The following USP37 variants were observed in gnomAD, a reference collection of about 807,000 sequenced individuals.
USP37 encodes ubiquitin carboxyl-terminal hydrolase 37.
USP37 carries 27 observed loss-of-function variants against 124.0 expected under a neutral mutation model. The observed-to-expected ratio is 0.22, with a 90% confidence interval of 0.16 to 0.30. USP37 has a LOEUF of 0.30. Among genes scored for constraint, USP37 ranks in the 10% least tolerant of loss-of-function variants. The pLI is 1.00. For missense variants in USP37, 889 were observed against 1,140.4 expected (o/e 0.78, Z 3.17); for synonymous variants, 365 against 388.0 (o/e 0.94, Z 0.70).
At chr2:218,546,495 C>T (rs1334950154) in intron 7 of USP37, among the ~76,000 whole-genome samples, 197 bp from the exon 8 acceptor site, 2 of 152,076 alleles carry the variant, frequency 1.3e-5, no homozygotes, top group Admixed American at 6.6e-5. Context: ...CTTGGCTCAC[C>T]GCAACCTCTG....
intron 14 of USP37, among the ~76,000 whole-genome samples, chr2:218,489,218 C>T (rs760046540): frequency 1.0e-4 from 15 of 148,238 alleles, no homozygotes; most frequent in East Asian, 2.1e-4. Context: ...ATTAGCCAGG[C>T]GAGGTGGCGC....
chr2:218,500,483 C>T (rs1056706493), intron 11 of USP37, among the ~76,000 whole-genome samples: 1 of 151,430 alleles, frequency 6.6e-6, no homozygotes, highest in African/African-American at 2.4e-5. Flanking sequence ...TCTTGAACTC[C>T]TGATCTGCCC....
intron 11 of USP37, among the ~76,000 whole-genome samples, chr2:218,505,871 T>C (rs145092322): frequency 5.6e-5 from 1 of 17,776 alleles, no homozygotes; most frequent in African/African-American, 3.4e-4. Context: ...TGTTTTGTTG[T>C]TTTTTTTTTG....
Position 218,457,081 on chromosome 2 carries a change from T to C in USP37, c.2713+11A>G. ...CATTTATAAAATGCTGAAATCATGA[T>C]GGCTATTCACCTGAAGAAGAAGTGC... On this transcript the variant is annotated intron_variant, in intron 24 of 25. Transcript: ENST00000258399. The C allele has an allele frequency of 6.2e-7, 1 of 1,613,130 alleles. No homozygotes were observed. The highest frequency in any genetic ancestry group is 8.5e-7 in the Non-Finnish European group (1 of 1,179,450).
intron 8 of USP37, among the ~76,000 whole-genome samples, chr2:218,540,714 T>C (rs1009575242): frequency 1.3e-5 from 2 of 152,214 alleles, no homozygotes; most frequent in South Asian, 2.1e-4. Flanking sequence ...AGGTTGACCA[T>C]AGGTAATTGA....
Position 218,495,894 on chromosome 2 carries a change from T to C in USP37, c.1338A>G (p.Lys446=). ...CLDQLKEDME[K]LNKTWKTEPV... ...GTTCAGTCTTCCAAGTTTTATTTAATTTTTCCATATCTTCTTTCAGCTGGT... is the reference window on the plus strand; with the variant it reads ...GTTCAGTCTTCCAAGTTTTATTTAACTTTTCCATATCTTCTTTCAGCTGGT... Residue 446 remains lysine (K), a synonymous_variant, in exon 14 of 26, where the codon AAA becomes AAG. Transcript: ENST00000258399. 1.2e-6 allele frequency: 2 copies of C among 1,613,684 alleles called. No individual in the cohort carries two copies. The highest frequency in any genetic ancestry group is 1.7e-6 in the Non-Finnish European group (2 of 1,179,974).
intron 11 of USP37, among the ~76,000 whole-genome samples, chr2:218,500,336 A>G (rs1328441590): frequency 1.3e-5 from 2 of 152,002 alleles, no homozygotes; most frequent in East Asian, 3.9e-4. Context: ...CTCGGCTTAC[A>G]GCAACTTCCA....
intron 10 of USP37, among the ~76,000 whole-genome samples, chr2:218,517,641 G>A (rs888208562): frequency 6.6e-6 from 1 of 152,100 alleles, no homozygotes; most frequent in African/African-American, 2.4e-5. Flanking sequence ...GGTTGCTTTT[G>A]AGACTTTGTC....
Position 218,528,803 on chromosome 2 carries a change from G to GAAAAAAAA in USP37, c.863+1145_863+1152dup, listed in dbSNP as rs58650311. On this transcript the variant is annotated intron_variant, in intron 10 of 25. Coordinates refer to ENST00000258399, the MANE Select transcript of USP37 (RefSeq NM_020935.3). ...TTATGTATTTATACCCAATAAATCT[G>GAAAAAAAA]AAAAAAAAAAAAAAAAAAAAAAAAA... 36 of 29,726 alleles carry GAAAAAAAA rather than the reference G, an allele frequency of 1.2e-3. 14 individuals carry two copies. The highest frequency in any genetic ancestry group is 3.7e-3 in the Admixed American group (4 of 1,094). The allele number at this position is 29,726 out of a possible 1,614,324, so 1.8% of individuals were successfully genotyped here.
intron 8 of USP37, among the ~76,000 whole-genome samples, chr2:218,536,704 C>T (rs1038098420): frequency 2.0e-5 from 3 of 152,142 alleles, no homozygotes; most frequent in Non-Finnish European, 4.4e-5. Flanking sequence ...CTTAGTAATT[C>T]ACATGCACAC....
At chr2:218,494,140 G>T (rs918656915) in intron 14 of USP37, among the ~76,000 whole-genome samples, 1 of 152,188 alleles carries the variant, frequency 6.6e-6, no homozygotes, top group African/African-American at 2.4e-5. Context: ...AGTCCTGAAT[G>T]AAAGCAAGCA....
At chr2:218,533,328 T>C (rs1007601266) in intron 9 of USP37, among the ~76,000 whole-genome samples, 1 of 152,214 alleles carries the variant, frequency 6.6e-6, no homozygotes, top group Non-Finnish European at 1.5e-5. Context: ...GACTCTTTAT[T>C]GTAGAAAATT....
chr2:218,535,721 G>T (rs1691594303), intron 8 of USP37, among the ~76,000 whole-genome samples: 1 of 152,026 alleles, frequency 6.6e-6, no homozygotes, highest in Non-Finnish European at 1.5e-5. Flanking sequence ...TGGGCGTGGT[G>T]GCGGGCACCT....
chr2:218,455,080 A>C, intron 25 of USP37, 63 bp from the exon 26 acceptor site: 1 of 1,585,910 alleles, frequency 6.3e-7, no homozygotes, highest in Non-Finnish European at 8.6e-7. Flanking sequence ...AAGAATAGGC[A>C]GGAGAAAAAG....
chr2:218,552,217 A>G (rs1358464505), intron 5 of USP37, among the ~76,000 whole-genome samples: 1 of 152,220 alleles, frequency 6.6e-6, no homozygotes, highest in African/African-American at 2.4e-5. Context: ...TTACAAGAAT[A>G]CGGTGTCGAA....
chr2:218,545,674 C>G (rs536208096), intron 8 of USP37, among the ~76,000 whole-genome samples: 146 of 150,786 alleles, frequency 9.7e-4, no homozygotes, highest in Non-Finnish European at 1.7e-3. Context: ...GTTTTCTCCC[C>G]TAGAAGACAA....
intron 10 of USP37, among the ~76,000 whole-genome samples, chr2:218,512,488 A>G (rs1272332988): frequency 6.6e-6 from 1 of 152,194 alleles, no homozygotes; most frequent in African/African-American, 2.4e-5. Context: ...AGCCTGAGGG[A>G]CAGAGAGAGA....
chr2:218,518,975 C>T (rs1392385251), intron 10 of USP37, among the ~76,000 whole-genome samples: 2 of 152,192 alleles, frequency 1.3e-5, no homozygotes, highest in African/African-American at 4.8e-5. Flanking sequence ...AAGAAGCCCA[C>T]AGATTTTCAG....
intron 1 of USP37, among the ~76,000 whole-genome samples, chr2:218,564,470 C>G (rs139840377): frequency 2.0e-5 from 3 of 152,240 alleles, no homozygotes; most frequent in Admixed American, 2.0e-4. Flanking sequence ...TAACTACAAC[C>G]ACAGTTCATC....
Sources: allele counts gnomAD v4.1 joint callset (sites outside exome capture counted in the v4.1 genomes callset), GRCh38; gene constraint gnomAD v4.1.1; transcripts MANE v1.5; gene names NCBI Gene and HGNC (gene_info 2026-07-23, HGNC 2026-07-21).